The following RALYL variants were observed in gnomAD, a reference collection of about 807,000 sequenced individuals.
The protein encoded by RALYL is RALY RNA binding protein like, also known as RNA-binding Raly-like protein.
RALYL carries 29 observed loss-of-function variants against 35.1 expected under a neutral mutation model. The observed-to-expected ratio is 0.83, with a 90% CI of 0.61 to 1.13. RALYL has a LOEUF of 1.13. Ranked by LOEUF, RALYL falls within the 50% of genes most tolerant of loss-of-function variation. The probability of loss-of-function intolerance (pLI) is 0.00; values close to 1 mark genes in which losing one functional copy is unlikely to be tolerated. For missense variants in RALYL, 359 were observed against 360.4 expected (o/e 1.00, Z 0.03); for synonymous variants, 120 against 127.6 (o/e 0.94, Z 0.40).
At chr8:84,714,577 G>T (rs1842675075) in intron 2 of RALYL, among the ~76,000 whole-genome samples, 2 of 151,656 alleles carry the variant, frequency 1.3e-5, no homozygotes, top group African/African-American at 4.8e-5. Flanking sequence ...CTAAAGAAAA[G>T]ATAACCATTC....
intron 2 of RALYL, among the ~76,000 whole-genome samples, chr8:84,548,296 T>C (rs548139657): frequency 2.6e-4 from 39 of 152,286 alleles, no homozygotes; most frequent in African/African-American, 8.7e-4. Flanking sequence ...TTTATGAAAT[T>C]ATTTTCTGTA....
intron 3 of RALYL, among the ~76,000 whole-genome samples, chr8:84,786,700 T>C (rs1338200603): frequency 6.6e-6 from 1 of 152,198 alleles, no homozygotes; most frequent in Non-Finnish European, 1.5e-5. Context: ...TGTAAATTTG[T>C]TTAAGTTCCT....
intron 1 of RALYL, among the ~76,000 whole-genome samples, chr8:84,353,618 A>C (rs1280917840): frequency 6.7e-6 from 1 of 150,264 alleles, no homozygotes; most frequent in Non-Finnish European, 1.5e-5. Context: ...AGAAAGTATG[A>C]ATCATTTTTT....
At chr8:84,366,977 G>C (rs1044050075) in intron 1 of RALYL, among the ~76,000 whole-genome samples, 1 of 151,702 alleles carries the variant, frequency 6.6e-6, no homozygotes, top group African/African-American at 2.4e-5. Flanking sequence ...TAATATCTTA[G>C]GTTATTTAAG....
intron 2 of RALYL, among the ~76,000 whole-genome samples, chr8:84,638,993 CACACACACAGAT>C (rs981709393): frequency 6.3e-5 from 9 of 142,166 alleles, no homozygotes; most frequent in Admixed American, 2.2e-4. Context: ...CACACACACA[CACACACACAGAT>C]GGGATGGAGA....
intron 3 of RALYL, among the ~76,000 whole-genome samples, chr8:84,779,281 T>C (rs1817556936): frequency 6.6e-6 from 1 of 152,236 alleles, no homozygotes; most frequent in Non-Finnish European, 1.5e-5. Context: ...AATAATTGTA[T>C]GATGGTTTTA....
chr8:84,293,144 CT>C (rs1020561700), intron 1 of RALYL, among the ~76,000 whole-genome samples: 1 of 152,114 alleles, frequency 6.6e-6, no homozygotes, highest in Non-Finnish European at 1.5e-5. Flanking sequence ...AGTTTAACTA[CT>C]TTTTTAAGTT....
intron 1 of RALYL, among the ~76,000 whole-genome samples, chr8:84,399,309 A>G (rs2042661269): frequency 6.6e-6 from 1 of 152,196 alleles, no homozygotes; most frequent in Non-Finnish European, 1.5e-5. Context: ...TAGTGCCCCC[A>G]TTTTATAGCT....
chr8:84,589,153 C>T (rs1377888767), intron 2 of RALYL, among the ~76,000 whole-genome samples: 3 of 152,226 alleles, frequency 2.0e-5, no homozygotes, highest in Admixed American at 2.0e-4. Flanking sequence ...CCGCCTCGGC[C>T]TCCCAAAGCG....
At chr8:84,354,005 A>G (rs1431637775) in intron 1 of RALYL, among the ~76,000 whole-genome samples, 16 of 150,066 alleles carry the variant, frequency 1.1e-4, no homozygotes, top group Admixed American at 1.1e-3. Context: ...TCACAGTGAC[A>G]AAGTGCTTTT....
At chr8:84,771,789 C>A (rs1237408576) in intron 2 of RALYL, among the ~76,000 whole-genome samples, 3 of 151,820 alleles carry the variant, frequency 2.0e-5, no homozygotes, top group African/African-American at 4.8e-5. Flanking sequence ...AGAAACAAAT[C>A]CTTTGTCAAA....
chr8:84,398,147 C>T (rs1563850482), intron 1 of RALYL, among the ~76,000 whole-genome samples: 3 of 152,254 alleles, frequency 2.0e-5, no homozygotes, highest in South Asian at 4.1e-4. Flanking sequence ...GCTGCTGTTG[C>T]GACTTCAGCT....
intron 1 of RALYL, among the ~76,000 whole-genome samples, chr8:84,272,217 T>C (rs1269364385): frequency 6.6e-6 from 1 of 151,976 alleles, no homozygotes; most frequent in East Asian, 1.9e-4. Flanking sequence ...CTCAGCCTCC[T>C]GAGTAGCTGG....
intron 2 of RALYL, among the ~76,000 whole-genome samples, chr8:84,670,553 A>G (rs1833007066): frequency 6.6e-6 from 1 of 152,244 alleles, no homozygotes; most frequent in Non-Finnish European, 1.5e-5. Flanking sequence ...ATGGACTCAT[A>G]TTTCCACATA....
chr8:84,558,779 A>G (rs556174436), intron 2 of RALYL, among the ~76,000 whole-genome samples: 11 of 152,280 alleles, frequency 7.2e-5, no homozygotes, highest in African/African-American at 2.4e-4. Flanking sequence ...TGTAAATTTC[A>G]GTGAGGATTG....
intron 2 of RALYL, among the ~76,000 whole-genome samples, chr8:84,640,878 G>A (rs932494012): frequency 6.6e-6 from 1 of 151,764 alleles, no homozygotes; most frequent in African/African-American, 2.4e-5. Context: ...TTATAACACA[G>A]GGGACCAATC....
intron 2 of RALYL, among the ~76,000 whole-genome samples, chr8:84,539,868 A>ATATATG (rs2059894628): frequency 1.5e-4 from 1 of 6,838 alleles, no homozygotes; most frequent in South Asian, 0.013. Context: ...ATATATATAT[A>ATATATG]TATATATATG....
At chr8:84,838,153 T>A (rs1266595079) in intron 4 of RALYL, among the ~76,000 whole-genome samples, 2 of 152,160 alleles carry the variant, frequency 1.3e-5, no homozygotes, top group African/African-American at 4.8e-5. Context: ...AAAAACCAAC[T>A]CTTCTTAGCA....
intron 1 of RALYL, among the ~76,000 whole-genome samples, chr8:84,335,773 G>C (rs566624851): frequency 8.2e-6 from 1 of 122,242 alleles, no homozygotes; most frequent in Admixed American, 1.0e-4. Context: ...TTACTTGGTG[G>C]GCAAACATTT....
Sources: gnomAD v4.1 joint callset for allele counts (sites outside exome capture counted in the v4.1 genomes callset) on GRCh38, gnomAD v4.1.1 for gene constraint, MANE v1.5 for transcripts, NCBI Gene and HGNC (gene_info 2026-07-23, HGNC 2026-07-21) for gene names.